Variants in COL23A1 observed in about 807,000 individuals in gnomAD.
COL23A1 encodes the protein collagen alpha-1(XXIII) chain.
COL23A1 carries 97 observed loss-of-function variants against 99.3 expected under a neutral mutation model. The ratio of observed to expected loss-of-function variants is 0.98; its 90% confidence interval spans 0.83 to 1.16. COL23A1 has a LOEUF of 1.16. Among genes scored for constraint, COL23A1 ranks in the 50% most tolerant of loss-of-function variants. COL23A1 has a pLI of 0.00. For synonymous variants in COL23A1, 320 were observed against 308.2 expected, an observed-to-expected ratio of 1.04 and a Z score of -0.40; for missense variants, 762 against 757.4, an observed-to-expected ratio of 1.01 and a Z score of -0.07.
At chr5:178,570,758 G>A (rs1217135737) in intron 1 of COL23A1, among the ~76,000 whole-genome samples, 2 of 152,162 alleles carry the variant, frequency 1.3e-5, no homozygotes, top group African/African-American at 4.8e-5. Context: ...CACATGGAGG[G>A]GGGACGCGGG....
At chr5:178,581,447 T>A (rs910754975) in intron 1 of COL23A1, among the ~76,000 whole-genome samples, 5 of 151,434 alleles carry the variant, frequency 3.3e-5, no homozygotes, top group Admixed American at 2.0e-4. Flanking sequence ...ACACCTGTAA[T>A]CCCAGCTACT....
rs1338468479 is a variant in COL23A1, at chr5:178,544,095, C to G, written c.361+16587G>C. ...GATTTCAACATATGACTTTGGGACA[C>G]AAGATTCAGTCCACAGCATAATCTC... On this transcript the variant is annotated intron_variant, in intron 2 of 28. Coordinates refer to ENST00000390654, the MANE Select transcript of COL23A1 (RefSeq NM_173465.4). This position sits in a 1 kb window ranked among gnomAD's most constrained non-coding sequence, Gnocchi z 4.4. Among the ~76,000 whole-genome samples, 1 of 152,114 alleles carries G rather than the reference C, an allele frequency of 6.6e-6. No individual in the cohort carries two copies. The highest frequency in any genetic ancestry group is 1.5e-5 in the Non-Finnish European group (1 of 68,012).
chr5:178,386,840 G>A (rs1443057443), intron 2 of COL23A1, among the ~76,000 whole-genome samples: 2 of 152,190 alleles, frequency 1.3e-5, no homozygotes, highest in Non-Finnish European at 2.9e-5. Flanking sequence ...GCCGTGGGGA[G>A]GTGACCTTCT....
intron 5 of COL23A1, among the ~76,000 whole-genome samples, chr5:178,270,760 G>T (rs986694074): frequency 4.6e-5 from 7 of 152,188 alleles, no homozygotes; most frequent in Admixed American, 3.9e-4. Context: ...TTCTGATGGG[G>T]CTAAGCCTGG....
intron 16 of COL23A1, among the ~76,000 whole-genome samples, chr5:178,253,861 T>C (rs2127541828): frequency 6.6e-6 from 1 of 152,190 alleles, no homozygotes; most frequent in African/African-American, 2.4e-5. Flanking sequence ...CATCTCAGTC[T>C]GGCATCCAAA....
At chr5:178,490,094 G>A (rs1296106433) in intron 2 of COL23A1, among the ~76,000 whole-genome samples, 1 of 151,998 alleles carries the variant, frequency 6.6e-6, no homozygotes, top group African/African-American at 2.4e-5. Flanking sequence ...AAGTTAGCTG[G>A]GTGTGGTGGT....
intron 2 of COL23A1, among the ~76,000 whole-genome samples, chr5:178,431,523 G>C (rs562821201): frequency 1.6e-4 from 24 of 152,306 alleles, no homozygotes; most frequent in Admixed American, 1.3e-3. Context: ...TTTGGCCCCA[G>C]ACGTAATCAC....
At chr5:178,393,315 G>A (rs1001818574) in intron 2 of COL23A1, among the ~76,000 whole-genome samples, 19 of 152,192 alleles carry the variant, frequency 1.2e-4, no homozygotes, top group Admixed American at 1.2e-3. Flanking sequence ...TGCTGGATGA[G>A]CCAAGCCAGG....
chr5:178,422,719 C>T (rs1765702686), intron 2 of COL23A1, among the ~76,000 whole-genome samples: 3 of 152,128 alleles, frequency 2.0e-5, no homozygotes, highest in Non-Finnish European at 4.4e-5. Flanking sequence ...TTCCACGTAA[C>T]GCCGGGGACT....
intron 2 of COL23A1, among the ~76,000 whole-genome samples, chr5:178,380,253 G>C (rs1011389023): frequency 3.3e-5 from 5 of 152,084 alleles, no homozygotes; most frequent in Non-Finnish European, 7.4e-5. Context: ...AGAACCTGCT[G>C]GGGGGGACTG....
Position 178,255,292 on chromosome 5 carries a change from G to T in COL23A1, c.883-266C>A, listed in dbSNP as rs532698923. ...AGGCCTGACCCCTGAGTTCTCGGGGGCAAATGGAAAGCCTGATTTTGATGT... is the reference window on the plus strand; with the variant it reads ...AGGCCTGACCCCTGAGTTCTCGGGGTCAAATGGAAAGCCTGATTTTGATGT... On this transcript the variant is annotated intron_variant, in intron 15 of 28. Transcript: ENST00000390654. The surrounding 1 kb of genome is among the most constrained non-coding windows in gnomAD (Gnocchi z 4.2). 3.4e-4 allele frequency among the ~76,000 whole-genome samples: 51 copies of T among 152,174 alleles called. No homozygotes were observed. Among genetic ancestry groups the T allele is most frequent in the African/African-American group, 1.2e-3 (48 of 41,528 alleles).
chr5:178,450,631 C>T (rs532136622), intron 2 of COL23A1, among the ~76,000 whole-genome samples: 7 of 152,330 alleles, frequency 4.6e-5, no homozygotes, highest in African/African-American at 1.7e-4. Flanking sequence ...AGCAGCCCAA[C>T]CTGAATCCTA....
chr5:178,366,406 C>T lies in COL23A1; in HGVS notation c.362-59487G>A, dbSNP rs1762481294. Among the ~76,000 whole-genome samples, 2 of 152,196 alleles carry T rather than the reference C, an allele frequency of 1.3e-5. No homozygotes were observed. The highest frequency in any genetic ancestry group is 2.9e-5 in the Non-Finnish European group (2 of 68,036). On this transcript the variant is annotated intron_variant, in intron 2 of 28. Coordinates refer to ENST00000390654, the MANE Select transcript of COL23A1 (RefSeq NM_173465.4). This position sits in a 1 kb window ranked among gnomAD's most constrained non-coding sequence, Gnocchi z 4.4. ...ACCTGGTCGCTGGGGTCTGTCTTCC[C>T]AGCTCCCATCCGCCCTTCCCTGCAT... is the stretch of plus-strand genomic sequence containing the variant.
intron 2 of COL23A1, among the ~76,000 whole-genome samples, chr5:178,537,762 C>T (rs1008893239): frequency 2.0e-5 from 3 of 152,334 alleles, no homozygotes; most frequent in Middle Eastern, 6.8e-3. Flanking sequence ...GAAACGTGCG[C>T]GGCACGACGT....
chr5:178,502,578 TAC>T (rs1309042499), intron 2 of COL23A1, among the ~76,000 whole-genome samples: 3 of 152,238 alleles, frequency 2.0e-5, no homozygotes, highest in Non-Finnish European at 4.4e-5. Context: ...ATAGGCCATT[TAC>T]ACACTAGATT....
intron 26 of COL23A1, 60 bp from the exon 27 acceptor site, chr5:178,242,188 A>G: frequency 2.0e-6 from 3 of 1,499,534 alleles, no homozygotes; most frequent in South Asian, 1.2e-5. Context: ...AACCTCCAAC[A>G]TCTCTCCGAG....
chr5:178,291,716 G>A (rs569461634), intron 3 of COL23A1, among the ~76,000 whole-genome samples: 2 of 152,236 alleles, frequency 1.3e-5, no homozygotes, highest in South Asian at 2.1e-4. Flanking sequence ...ATGCGCTGAG[G>A]TGTCCCCATG....
intron 2 of COL23A1, among the ~76,000 whole-genome samples, chr5:178,491,872 T>C (rs991929409): frequency 1.3e-5 from 2 of 152,066 alleles, no homozygotes; most frequent in African/African-American, 4.8e-5. Flanking sequence ...GTAGCTGGGA[T>C]TACAGGCACC....
At chr5:178,500,538 G>C (rs1266418797) in intron 2 of COL23A1, among the ~76,000 whole-genome samples, 1 of 150,598 alleles carries the variant, frequency 6.6e-6, no homozygotes, top group African/African-American at 2.4e-5. Context: ...CCAGGAGTTC[G>C]AGGTAGTAGT....
Sources: allele counts gnomAD v4.1 joint callset (sites outside exome capture counted in the v4.1 genomes callset), GRCh38; gene constraint gnomAD v4.1.1; non-coding constraint Gnocchi (gnomAD v3.1); transcripts MANE v1.5; gene names NCBI Gene and HGNC (gene_info 2026-07-23, HGNC 2026-07-21).